The following TUBD1 variants were observed in gnomAD, a reference collection of about 807,000 sequenced individuals.
The protein encoded by TUBD1 is tubulin delta chain.
Under a neutral mutation model 51.2 loss-of-function variants are expected in TUBD1, and 38 were observed. That is an observed-to-expected ratio of 0.74 (90% CI 0.57 to 0.97). The LOEUF (loss-of-function observed/expected upper bound fraction) is 0.97, where lower values mean the gene tolerates loss of function less well. Ranked by LOEUF, TUBD1 falls within the 50% of genes least tolerant of loss-of-function variation. The pLI, the probability that TUBD1 is intolerant of heterozygous loss-of-function variation, is 0.00. For missense variants in TUBD1, 489 were observed against 538.4 expected, an observed-to-expected ratio of 0.91 and a Z score of 0.91; for synonymous variants, 169 against 178.2, an observed-to-expected ratio of 0.95 and a Z score of 0.41.
intron 6 of TUBD1, among the ~76,000 whole-genome samples, chr17:59,871,514 T>G (rs982204892): frequency 2.0e-5 from 3 of 152,146 alleles, no homozygotes; most frequent in Non-Finnish European, 4.4e-5. Flanking sequence ...AAGATATTTG[T>G]AGCCTCAAAC....
At chr17:59,879,488 T>A (rs1443087925) in intron 4 of TUBD1, among the ~76,000 whole-genome samples, 1 of 151,926 alleles carries the variant, frequency 6.6e-6, no homozygotes, top group Non-Finnish European at 1.5e-5. Context: ...CAGGCTGGAG[T>A]ACAGTGACAT....
intron 7 of TUBD1, among the ~76,000 whole-genome samples, chr17:59,865,940 G>A (rs543463810): frequency 2.6e-5 from 4 of 151,800 alleles, no homozygotes; most frequent in South Asian, 2.1e-4. Context: ...GAGAAACCCC[G>A]TCTCTACTAA....
chr17:59,885,851 G>A (rs1452947522), intron 3 of TUBD1, among the ~76,000 whole-genome samples: 1 of 152,146 alleles, frequency 6.6e-6, no homozygotes, highest in Non-Finnish European at 1.5e-5. Context: ...ATGACAGTGA[G>A]AAGATGGAAA....
intron 2 of TUBD1, among the ~76,000 whole-genome samples, chr17:59,888,316 T>C (rs903425669): frequency 6.6e-6 from 1 of 152,114 alleles, no homozygotes; most frequent in South Asian, 2.1e-4. Flanking sequence ...AAGGAGTGTC[T>C]TGAGACAGTC....
At chr17:59,889,967 CAAAA>C (rs35427875) in intron 2 of TUBD1, among the ~76,000 whole-genome samples, 1 of 69,390 alleles carries the variant, frequency 1.4e-5, no homozygotes, top group Admixed American at 1.7e-4. Flanking sequence ...GAGACTCTCT[CAAAA>C]AAAAAAAAAA....
intron 1 of TUBD1, 95 bp from the exon 2 acceptor site, chr17:59,891,136 T>C (rs1251388111): frequency 4.4e-6 from 3 of 684,688 alleles, no homozygotes; most frequent in Non-Finnish European, 7.1e-6. Context: ...ATAAAAAGTC[T>C]TTTTTCCCCC....
chr17:59,861,295 G>A (rs2144404645), intron 8 of TUBD1, among the ~76,000 whole-genome samples: 1 of 151,322 alleles, frequency 6.6e-6, no homozygotes, highest in South Asian at 2.1e-4. Flanking sequence ...GCCTCCTGGG[G>A]TGAAGCAATT....
At chr17:59,882,525 G>A (rs1223132660) in intron 3 of TUBD1, among the ~76,000 whole-genome samples, 1 of 151,616 alleles carries the variant, frequency 6.6e-6, no homozygotes, top group Non-Finnish European at 1.5e-5. Context: ...GACCTCAAAT[G>A]ATCTGCCCAC....
rs555302185 is a variant in TUBD1 at position 59,891,474 on chromosome 17, T to C, written c.-39-433A>G. ...AAAATGCCACATACGTATATAATAT[T>C]GGAGATAGAACAGCTGTGTTGTCTA... On this transcript the variant is annotated intron_variant, in intron 1 of 8. Transcript: ENST00000325752. 7.2e-5 allele frequency among the ~76,000 whole-genome samples: 11 copies of C among 152,236 alleles called. No individual in the cohort carries two copies. In the East Asian group the frequency reaches 1.7e-3, roughly 24 times the overall value.
At chr17:59,870,144 T>C (rs1199741017) in intron 6 of TUBD1, among the ~76,000 whole-genome samples, 2 of 151,840 alleles carry the variant, frequency 1.3e-5, no homozygotes, top group Non-Finnish European at 1.5e-5. Context: ...GTGGATCACT[T>C]GAGGTCAGGA....
At chr17:59,889,861 T>G (rs1314646867) in intron 2 of TUBD1, among the ~76,000 whole-genome samples, 1 of 150,456 alleles carries the variant, frequency 6.6e-6, no homozygotes, top group Non-Finnish European at 1.5e-5. Flanking sequence ...TTCCAGCTAC[T>G]TGGGAGGCTG....
At chr17:59,890,776 C>T (rs1332801369) in intron 2 of TUBD1, 55 bp downstream of exon 2, 2 of 1,427,422 alleles carry the variant, frequency 1.4e-6, no homozygotes, top group Admixed American at 2.5e-5. Context: ...GAAGGCCTGG[C>T]TTTGAAGGGG....
At chr17:59,889,288 A>C (rs2040876833) in intron 2 of TUBD1, among the ~76,000 whole-genome samples, 1 of 150,324 alleles carries the variant, frequency 6.7e-6, no homozygotes, top group South Asian at 2.2e-4. Context: ...TGCTGGGATT[A>C]TAGGCGTGAG....
intron 3 of TUBD1, among the ~76,000 whole-genome samples, chr17:59,882,816 G>A (rs551704397): frequency 1.4e-4 from 21 of 149,224 alleles, no homozygotes; most frequent in African/African-American, 4.2e-4. Flanking sequence ...ATGCAGACAC[G>A]CCCTGTTGTC....
intron 8 of TUBD1, among the ~76,000 whole-genome samples, chr17:59,862,169 C>G (rs2039480785): frequency 6.6e-6 from 1 of 150,960 alleles, no homozygotes; most frequent in South Asian, 2.1e-4. Flanking sequence ...ACTAAAAATA[C>G]AAAATTAGCT....
chr17:59,888,195 A>G (rs2040822759), intron 2 of TUBD1, among the ~76,000 whole-genome samples: 2 of 152,100 alleles, frequency 1.3e-5, no homozygotes, highest in Non-Finnish European at 2.9e-5. Context: ...TCGACCTCCC[A>G]AAGTGCTGGG....
At chr17:59,869,108 ATATATT>A (rs1394690436) in intron 6 of TUBD1, among the ~76,000 whole-genome samples, 1 of 151,932 alleles carries the variant, frequency 6.6e-6, no homozygotes, top group African/African-American at 2.4e-5. Context: ...TGCCATATAT[ATATATT>A]TATTCATATA....
intron 5 of TUBD1, among the ~76,000 whole-genome samples, chr17:59,875,174 G>A (rs1022088738): frequency 1.4e-5 from 2 of 137,962 alleles, no homozygotes; most frequent in Non-Finnish European, 3.0e-5. Flanking sequence ...TGCCTCCCAC[G>A]ATCAAGCGAT....
chr17:59,884,261 TAA>T (rs60271226), intron 3 of TUBD1, among the ~76,000 whole-genome samples: 53 of 123,296 alleles, frequency 4.3e-4, no homozygotes, highest in East Asian at 7.1e-4. Context: ...ACTCTTGTCT[TAA>T]AAAAAAAAAA....
Sources: gnomAD v4.1 joint callset for allele counts (sites outside exome capture counted in the v4.1 genomes callset) on GRCh38, gnomAD v4.1.1 for gene constraint, MANE v1.5 for transcripts, NCBI Gene and HGNC (gene_info 2026-07-23, HGNC 2026-07-21) for gene names.